Variants in SKAP1 observed in about 807,000 individuals in gnomAD.
SKAP1 encodes the protein src kinase associated phosphoprotein 1, also known as src kinase-associated phosphoprotein 1.
SKAP1 carries 44 observed loss-of-function variants against 58.5 expected under a neutral mutation model. That is an observed-to-expected ratio of 0.75 (90% CI 0.59 to 0.97). The LOEUF (loss-of-function observed/expected upper bound fraction) is 0.97. Ranked by LOEUF, SKAP1 falls within the 50% of genes least tolerant of loss-of-function variation. SKAP1 has a pLI of 0.00. For synonymous variants in SKAP1, 127 were observed against 149.7 expected, an observed-to-expected ratio of 0.85 and a Z score of 1.11; for missense variants, 390 against 435.2, an observed-to-expected ratio of 0.90 and a Z score of 0.92.
At chr17:48,436,997 T>C in the SKAP1 span, among the ~76,000 whole-genome samples, 1 of 152,348 alleles carries the variant, frequency 6.6e-6, no homozygotes, top group Admixed American at 6.5e-5. Flanking sequence ...TTTGGTTCTC[T>C]TCATTTCACC....
intron 1 of SKAP1, among the ~76,000 whole-genome samples, chr17:48,405,458 C>CTT (rs70964687): frequency 1.3e-5 from 1 of 77,656 alleles, no homozygotes; most frequent in African/African-American, 6.4e-5. Context: ...TCTTTTCTTT[C>CTT]TTTCTTTCCT....
At chr17:48,241,669 C>T (rs962630873) in intron 4 of SKAP1, among the ~76,000 whole-genome samples, 4 of 152,172 alleles carry the variant, frequency 2.6e-5, no homozygotes, top group African/African-American at 9.7e-5. Context: ...ATGCTTAAAA[C>T]TTTCACCAGC....
chr17:48,158,491 C>T (rs1464922542), intron 11 of SKAP1, among the ~76,000 whole-genome samples: 2 of 137,734 alleles, frequency 1.5e-5, no homozygotes, highest in Admixed American at 1.6e-4. Context: ...TGGCGTGAAC[C>T]CAGGAGGCGG....
At chr17:48,350,611 G>A (rs34488822) in intron 3 of SKAP1, among the ~76,000 whole-genome samples, 4,473 of 152,168 alleles carry the variant, frequency 0.029, 242 homozygotes, top group African/African-American at 0.1. Context: ...CAGGAGAATC[G>A]CTTGAACCCG....
At chr17:48,360,097 C>T (rs1194618828) in intron 3 of SKAP1, among the ~76,000 whole-genome samples, 1 of 152,068 alleles carries the variant, frequency 6.6e-6, no homozygotes, top group Non-Finnish European at 1.5e-5. Context: ...ATTCCACTGG[C>T]CCATGTTTAC....
rs577795244 is a variant in SKAP1 at position 48,399,770 on chromosome 17, A to G, written c.47-2985T>C. On this transcript the variant is annotated intron_variant, in intron 1 of 12. Transcript: ENST00000336915. ...GAGCAAGACTCTTGTCTCAAAAAAA[A>G]AAAAAAATTAAAAAGAAAATAAATG... is the stretch of plus-strand genomic sequence containing the variant. Among the ~76,000 whole-genome samples, 11 of 151,746 alleles carry G rather than the reference A, an allele frequency of 7.2e-5. No homozygotes were observed. The South Asian group carries it at 1.2e-3, about 17-fold the overall frequency.
At chr17:48,217,118 G>C (rs1449506690) in intron 4 of SKAP1, among the ~76,000 whole-genome samples, 1 of 152,018 alleles carries the variant, frequency 6.6e-6, no homozygotes, top group Non-Finnish European at 1.5e-5. Flanking sequence ...ATTTGAAAAA[G>C]GTGTGTGGTA....
chr17:48,344,529 T>C (rs905426510), intron 4 of SKAP1, among the ~76,000 whole-genome samples: 44 of 152,214 alleles, frequency 2.9e-4, no homozygotes, highest in Admixed American at 1.4e-3. Flanking sequence ...GGCATTATTG[T>C]TCTAATTCTG....
chr17:48,271,643 T>C (rs928303874), intron 4 of SKAP1, among the ~76,000 whole-genome samples: 5 of 152,168 alleles, frequency 3.3e-5, no homozygotes, highest in Non-Finnish European at 5.9e-5. Context: ...ATTACAGACA[T>C]GAGCTACTGC....
At chr17:48,303,600 G>A (rs1264881365) in intron 4 of SKAP1, among the ~76,000 whole-genome samples, 1 of 152,106 alleles carries the variant, frequency 6.6e-6, no homozygotes, top group Non-Finnish European at 1.5e-5. Context: ...CTTTCCTTCA[G>A]GCTCCTCAAT....
chr17:48,369,449 C>G (rs912693279), intron 2 of SKAP1, among the ~76,000 whole-genome samples: 1 of 149,960 alleles, frequency 6.7e-6, no homozygotes, highest in African/African-American at 2.4e-5. Flanking sequence ...CATGATTGCA[C>G]CACTGCACTC....
chr17:48,147,571 C>T (rs1369800909), intron 11 of SKAP1, among the ~76,000 whole-genome samples: 1 of 152,104 alleles, frequency 6.6e-6, no homozygotes, highest in Non-Finnish European at 1.5e-5. Flanking sequence ...AGACAAAGTG[C>T]CCATTTTTCA....
intron 4 of SKAP1, among the ~76,000 whole-genome samples, chr17:48,230,781 T>C (rs2065118084): frequency 6.6e-6 from 1 of 151,988 alleles, no homozygotes; most frequent in Admixed American, 6.6e-5. Context: ...TATGAGTGAG[T>C]AAGCATATAT....
chr17:48,183,096 A>G (rs1178571250), intron 7 of SKAP1, among the ~76,000 whole-genome samples: 1 of 152,176 alleles, frequency 6.6e-6, no homozygotes, highest in Non-Finnish European at 1.5e-5. Context: ...AAGGGCTCTG[A>G]GTACTAGGAG....
chr17:48,418,348 G>C (rs936088349), intron 1 of SKAP1, among the ~76,000 whole-genome samples: 6 of 152,028 alleles, frequency 3.9e-5, no homozygotes, highest in Non-Finnish European at 7.4e-5. Context: ...CTTCTATGTT[G>C]TGCAAATATT....
chr17:48,320,207 G>C (rs1415337107), intron 4 of SKAP1, among the ~76,000 whole-genome samples: 2 of 152,106 alleles, frequency 1.3e-5, no homozygotes, highest in Non-Finnish European at 2.9e-5. Context: ...AACAATTCAA[G>C]AACATGTCAT....
chr17:48,304,834 A>G (rs2066114739), intron 4 of SKAP1, among the ~76,000 whole-genome samples: 1 of 152,180 alleles, frequency 6.6e-6, no homozygotes, highest in Non-Finnish European at 1.5e-5. Context: ...AATTTCTTTA[A>G]CAAAAAGAAT....
At chr17:48,278,830 T>C (rs766587463) in intron 4 of SKAP1, among the ~76,000 whole-genome samples, 1 of 152,128 alleles carries the variant, frequency 6.6e-6, no homozygotes, top group Non-Finnish European at 1.5e-5. Context: ...TTCAGACATA[T>C]TGAGTCAGGT....
chr17:48,243,748 T>A (rs2065266423), intron 4 of SKAP1, among the ~76,000 whole-genome samples: 1 of 152,178 alleles, frequency 6.6e-6, no homozygotes, highest in Non-Finnish European at 1.5e-5. Flanking sequence ...ATGCATAAGC[T>A]ATTGTATTCT....
Sources: gnomAD v4.1 joint callset for allele counts (sites outside exome capture counted in the v4.1 genomes callset) on GRCh38, gnomAD v4.1.1 for gene constraint, MANE v1.5 for transcripts, NCBI Gene and HGNC (gene_info 2026-07-23, HGNC 2026-07-21) for gene names.